RPS6KC1: variants seen among roughly 807,000 people sequenced by gnomAD.
RPS6KC1 encodes ribosomal protein S6 kinase C1.
RPS6KC1 carries 54 observed loss-of-function variants against 103.8 expected under a neutral mutation model. That is an observed-to-expected ratio of 0.52 (90% CI 0.42 to 0.65). The LOEUF (loss-of-function observed/expected upper bound fraction) is 0.65. Ranked by LOEUF, RPS6KC1 falls within the 30% of genes least tolerant of loss-of-function variation. The probability of loss-of-function intolerance (pLI) is 0.00; values close to 1 mark genes in which losing one functional copy is unlikely to be tolerated. For missense variants in RPS6KC1, 1,151 were observed against 1,253.8 expected (o/e 0.92, Z 1.24); for synonymous variants, 439 against 438.7 (o/e 1.00, Z -0.01).
chr1:213,418,678 C>T, the RPS6KC1 span, among the ~76,000 whole-genome samples: 2 of 152,196 alleles, frequency 1.3e-5, no homozygotes, highest in Admixed American at 6.5e-5. Context: ...TTTCACACGC[C>T]GATCTCCAGG....
intron 4 of RPS6KC1, among the ~76,000 whole-genome samples, chr1:213,116,207 T>G (rs1408662258): frequency 6.6e-6 from 1 of 152,116 alleles, no homozygotes; most frequent in Non-Finnish European, 1.5e-5. Context: ...TGTAGGTCAC[T>G]CAGGACTTAC....
the RPS6KC1 span, among the ~76,000 whole-genome samples, chr1:213,518,519 G>A: frequency 1.3e-5 from 2 of 152,198 alleles, no homozygotes; most frequent in Admixed American, 6.5e-5. Flanking sequence ...GCCCTGACCT[G>A]CTGACACCTT....
chr1:213,814,969 G>A, the RPS6KC1 span, among the ~76,000 whole-genome samples: 3 of 152,150 alleles, frequency 2.0e-5, no homozygotes, highest in Non-Finnish European at 2.9e-5. Context: ...ATTGAGCCAT[G>A]ATATGGTTTG....
At chr1:213,081,036 T>C (rs1558277776) in intron 3 of RPS6KC1, among the ~76,000 whole-genome samples, 2 of 152,250 alleles carry the variant, frequency 1.3e-5, no homozygotes, top group Non-Finnish European at 1.5e-5. Flanking sequence ...ATTGAAATCA[T>C]GCCACATTTT....
the RPS6KC1 span, among the ~76,000 whole-genome samples, chr1:213,394,896 T>C: frequency 0.69 from 105,412 of 152,256 alleles, 41,415 homozygotes; most frequent in East Asian, 0.99. Context: ...AAGGAAACAG[T>C]GCAGCTGCCC....
intron 6 of RPS6KC1, among the ~76,000 whole-genome samples, chr1:213,151,308 C>T (rs2088831106): frequency 8.2e-6 from 1 of 121,758 alleles, no homozygotes; most frequent in Non-Finnish European, 1.8e-5. Flanking sequence ...CAGAGGCGCC[C>T]CTCACCTCCC....
chr1:213,213,599 ATTTTTC>A (rs2093576074), intron 8 of RPS6KC1, among the ~76,000 whole-genome samples: 1 of 152,116 alleles, frequency 6.6e-6, no homozygotes, highest in African/African-American at 2.4e-5. Flanking sequence ...ATCATTTAAA[ATTTTTC>A]TTTATCTTTA....
the RPS6KC1 span, among the ~76,000 whole-genome samples, chr1:213,411,517 GA>G: frequency 6.6e-6 from 1 of 152,208 alleles, no homozygotes; most frequent in Non-Finnish European, 1.5e-5. Flanking sequence ...GAGACACTGG[GA>G]TTCTCAAGGC....
the RPS6KC1 span, among the ~76,000 whole-genome samples, chr1:213,498,971 G>C: frequency 6.7e-6 from 1 of 150,196 alleles, no homozygotes; most frequent in Non-Finnish European, 1.5e-5. Context: ...GTAGAGACAG[G>C]GTTTCTCCAT....
intron 12 of RPS6KC1, among the ~76,000 whole-genome samples, chr1:213,257,905 G>A (rs1233844295): frequency 7.3e-6 from 1 of 137,250 alleles, no homozygotes; most frequent in African/African-American, 2.7e-5. Context: ...CTAAGTTCAA[G>A]TGATCCTCCT....
At chr1:213,391,473 C>A in the RPS6KC1 span, among the ~76,000 whole-genome samples, 6 of 152,104 alleles carry the variant, frequency 3.9e-5, no homozygotes, top group Non-Finnish European at 7.3e-5. Flanking sequence ...TGTGTCAGAC[C>A]TTGGGTGACT....
chr1:213,357,647 G>A, the RPS6KC1 span, among the ~76,000 whole-genome samples: 4 of 152,218 alleles, frequency 2.6e-5, no homozygotes, highest in Non-Finnish European at 5.9e-5. Flanking sequence ...TCTCACTAGG[G>A]CCACCCCTGG....
chr1:213,471,088 TTG>T, the RPS6KC1 span, among the ~76,000 whole-genome samples: 93,241 of 151,810 alleles, frequency 0.61, 29,059 homozygotes, highest in East Asian at 0.86. Context: ...ATGGTGATTT[TTG>T]TGTGTGTGTA....
At chr1:213,655,111 C>T in the RPS6KC1 span, among the ~76,000 whole-genome samples, 61 of 152,326 alleles carry the variant, frequency 4.0e-4, no homozygotes, top group Non-Finnish European at 6.9e-4. Flanking sequence ...TGCATGATCT[C>T]GGCTCACTGC....
chr1:213,603,541 C>T, the RPS6KC1 span, among the ~76,000 whole-genome samples: 9,728 of 151,966 alleles, frequency 0.064, 408 homozygotes, highest in African/African-American at 0.085. Context: ...CTCCTATCTT[C>T]GAATGATTGA....
chr1:213,236,677 G>A (rs1425194439), intron 10 of RPS6KC1, among the ~76,000 whole-genome samples: 19 of 152,110 alleles, frequency 1.2e-4, no homozygotes, highest in Admixed American at 1.2e-3. Context: ...TGATGAATTA[G>A]CAAAATACTT....
the RPS6KC1 span, among the ~76,000 whole-genome samples, chr1:213,806,846 C>T: frequency 1.5e-3 from 195 of 129,032 alleles, no homozygotes; most frequent in South Asian, 2.8e-3. Flanking sequence ...TTATTTTGCT[C>T]GTTAGTTGAT....
At chr1:213,511,438 G>A in the RPS6KC1 span, among the ~76,000 whole-genome samples, 1 of 152,202 alleles carries the variant, frequency 6.6e-6, no homozygotes, top group Non-Finnish European at 1.5e-5. Flanking sequence ...TGGAGGTGGG[G>A]AGAGGTGTCC....
chr1:213,527,472 G>A, the RPS6KC1 span, among the ~76,000 whole-genome samples: 19 of 152,084 alleles, frequency 1.2e-4, no homozygotes, highest in Non-Finnish European at 2.6e-4. Context: ...ATGATCTCAT[G>A]GGATTTGTGA....
Sources: allele counts gnomAD v4.1 joint callset (sites outside exome capture counted in the v4.1 genomes callset), GRCh38; gene constraint gnomAD v4.1.1; transcripts MANE v1.5; gene names NCBI Gene and HGNC (gene_info 2026-07-23, HGNC 2026-07-21).